The following STK39 variants were observed in gnomAD, a reference collection of about 807,000 sequenced individuals.
STK39 encodes the protein STE20/SPS1-related proline-alanine-rich protein kinase.
STK39 carries 20 observed loss-of-function variants against 77.8 expected under a neutral mutation model. That is an observed-to-expected ratio of 0.26 (90% CI 0.18 to 0.37). The LOEUF (loss-of-function observed/expected upper bound fraction) is 0.37, where lower values mean the gene tolerates loss of function less well. Ranked by LOEUF, STK39 falls within the 10% of genes least tolerant of loss-of-function variation. The pLI, the probability that STK39 is intolerant of heterozygous loss-of-function variation, is 1.00. For synonymous variants in STK39, 246 were observed against 234.1 expected, an observed-to-expected ratio of 1.05 and a Z score of -0.47; for missense variants, 479 against 656.5, an observed-to-expected ratio of 0.73 and a Z score of 2.95.
intron 14 of STK39, among the ~76,000 whole-genome samples, chr2:168,055,792 T>A (rs1429285006): frequency 5.9e-5 from 9 of 152,250 alleles, no homozygotes; most frequent in Non-Finnish European, 7.3e-5. Context: ...CATGACTATT[T>A]TATTTGATGA....
intron 14 of STK39, among the ~76,000 whole-genome samples, chr2:168,050,223 G>T (rs993459794): frequency 1.3e-5 from 2 of 152,354 alleles, no homozygotes. Context: ...TGTTAGGAAT[G>T]TGACAGGCAC....
At position 168,069,276 on chromosome 2, in the gene STK39, G is replaced by A. The variant is rs1172226778; in HGVS notation, c.1243-3895C>T. Among the ~76,000 whole-genome samples the A allele has an allele frequency of 2.6e-5, 4 of 152,248 alleles. No homozygotes were observed. The East Asian group carries it at 7.7e-4, about 29-fold the overall frequency. ...AAATGACATGTGACAATAGCAATAAGTAATATAAGGAAAAAAATTAGTTTT... is the reference window on the plus strand; with the variant it reads ...AAATGACATGTGACAATAGCAATAAATAATATAAGGAAAAAAATTAGTTTT... On this transcript the variant is annotated intron_variant, in intron 12 of 17. Coordinates refer to ENST00000355999, the MANE Select transcript of STK39 (RefSeq NM_013233.3).
At chr2:168,163,086 G>A (rs539808968) in intron 4 of STK39, among the ~76,000 whole-genome samples, 1 of 152,064 alleles carries the variant, frequency 6.6e-6, no homozygotes, top group African/African-American at 2.4e-5. Context: ...TTCAGGGTAG[G>A]AGAATTACAT....
At chr2:168,169,000 T>C (rs776426656) in intron 2 of STK39, among the ~76,000 whole-genome samples, 4 of 152,074 alleles carry the variant, frequency 2.6e-5, no homozygotes, top group Non-Finnish European at 4.4e-5. Context: ...AATTAAAAAA[T>C]AATAAAAATG....
intron 16 of STK39, among the ~76,000 whole-genome samples, chr2:167,983,006 T>A (rs1683461424): frequency 6.6e-6 from 1 of 152,206 alleles, no homozygotes; most frequent in South Asian, 2.1e-4. Context: ...ACACCCAATA[T>A]TGAGCGCAGT....
chr2:168,190,684 G>A (rs1175385594), intron 1 of STK39, among the ~76,000 whole-genome samples: 4 of 152,134 alleles, frequency 2.6e-5, no homozygotes, highest in Admixed American at 2.0e-4. Flanking sequence ...AACAGCCCTC[G>A]AAATCCATGT....
chr2:168,207,920 A>G (rs182887764), intron 1 of STK39, among the ~76,000 whole-genome samples: 2 of 152,332 alleles, frequency 1.3e-5, no homozygotes, highest in Admixed American at 1.3e-4. Flanking sequence ...AGTGGAGGGA[A>G]GAGTAAACTG....
chr2:168,132,435 T>G (rs1416904515), intron 8 of STK39, among the ~76,000 whole-genome samples: 1 of 152,180 alleles, frequency 6.6e-6, no homozygotes, highest in Non-Finnish European at 1.5e-5. Flanking sequence ...TCTATCCTGA[T>G]GCATTTCAGT....
intron 16 of STK39, among the ~76,000 whole-genome samples, chr2:167,978,706 A>C (rs1014579716): frequency 2.6e-5 from 4 of 152,148 alleles, no homozygotes; most frequent in Admixed American, 6.5e-5. Context: ...CCATCACCAC[A>C]ATCAAGATAA....
chr2:168,074,362 T>C (rs529628983), intron 12 of STK39, among the ~76,000 whole-genome samples: 8 of 152,230 alleles, frequency 5.3e-5, no homozygotes, highest in Non-Finnish European at 1.2e-4. Flanking sequence ...TAGCAGGTCT[T>C]GTGAACTACA....
chr2:167,967,006 A>T (rs1692176365), intron 16 of STK39, among the ~76,000 whole-genome samples: 1 of 152,134 alleles, frequency 6.6e-6, no homozygotes, highest in South Asian at 2.1e-4. Flanking sequence ...GTGCACCTGG[A>T]TTTCAAAAAT....
In STK39 at chr2:168,131,363, C is replaced by T. The variant is rs766492423; in HGVS notation, c.975-1605G>A. Among the ~76,000 whole-genome samples, 6 of 152,120 alleles carry T rather than the reference C, an allele frequency of 3.9e-5. No homozygotes were observed. The South Asian group carries it at 1.0e-3, about 26-fold the overall frequency. ...ATTATCTTAGGCAACAATTACCAAA[C>T]GCACAAATAATATTGTAGCAGGGGG... On this transcript the variant is annotated intron_variant, in intron 8 of 17. Coordinates refer to ENST00000355999, the MANE Select transcript of STK39 (RefSeq NM_013233.3).
At chr2:168,138,354 C>T in intron 7 of STK39, 133 bp from the exon 8 acceptor site, 1 of 1,245,206 alleles carries the variant, frequency 8.0e-7, no homozygotes, top group Non-Finnish European at 1.1e-6. Flanking sequence ...TTTAACTTTG[C>T]AGAAATTGTG....
At chr2:168,243,054 G>C (rs1274583411) in intron 1 of STK39, among the ~76,000 whole-genome samples, 1 of 152,058 alleles carries the variant, frequency 6.6e-6, no homozygotes, top group Non-Finnish European at 1.5e-5. Context: ...AACTAATCAA[G>C]ATCAAAGAAC....
chr2:168,074,818 G>C (rs1299023364), intron 12 of STK39, among the ~76,000 whole-genome samples, 164 bp downstream of exon 12: 1 of 152,154 alleles, frequency 6.6e-6, no homozygotes, highest in African/African-American at 2.4e-5. Flanking sequence ...GATTTATTCA[G>C]CCCAAAGTAA....
intron 5 of STK39, among the ~76,000 whole-genome samples, chr2:168,157,756 A>C (rs1688471941): frequency 6.6e-6 from 1 of 152,142 alleles, no homozygotes; most frequent in Non-Finnish European, 1.5e-5. Flanking sequence ...ATGAATTTGG[A>C]GGGCACACAA....
intron 1 of STK39, among the ~76,000 whole-genome samples, chr2:168,244,424 C>T (rs140114576): frequency 6.6e-6 from 1 of 152,232 alleles, no homozygotes; most frequent in African/African-American, 2.4e-5. Flanking sequence ...CTTTGGTTTT[C>T]TGTTCAGGCA....
intron 2 of STK39, among the ~76,000 whole-genome samples, chr2:168,172,818 C>G (rs2105609791): frequency 6.6e-6 from 1 of 152,292 alleles, no homozygotes; most frequent in South Asian, 2.1e-4. Flanking sequence ...GTTAAGAAAT[C>G]AAACTTACTC....
chr2:168,174,014 CA>C (rs1222942334), intron 2 of STK39, among the ~76,000 whole-genome samples: 1 of 152,180 alleles, frequency 6.6e-6, no homozygotes, highest in East Asian at 1.9e-4. Context: ...CTTAACTTTA[CA>C]ATTATTTTCA....
Sources: allele counts gnomAD v4.1 joint callset (sites outside exome capture counted in the v4.1 genomes callset), GRCh38; gene constraint gnomAD v4.1.1; transcripts MANE v1.5; gene names NCBI Gene and HGNC (gene_info 2026-07-23, HGNC 2026-07-21).